Variants in GPR89A observed in about 807,000 individuals in gnomAD.
GPR89A encodes the protein golgi pH regulator A, also known as G protein-coupled receptor 89A.
Under a neutral mutation model 52.0 loss-of-function variants are expected in GPR89A, and 16 were observed. The ratio of observed to expected loss-of-function variants is 0.31; its 90% confidence interval spans 0.21 to 0.47. The LOEUF (loss-of-function observed/expected upper bound fraction) is 0.47. GPR89A is among the 20% of genes least tolerant of loss of function. The pLI, the probability that GPR89A is intolerant of heterozygous loss-of-function variation, is 1.00. For synonymous variants in GPR89A, 55 were observed against 150.9 expected, an observed-to-expected ratio of 0.36 and a Z score of 4.66; for missense variants, 135 against 449.4, an observed-to-expected ratio of 0.30 and a Z score of 6.33.
At chr1:145,647,873 CTCTCTCTATATATATA>C (rs1651149622) in intron 10 of GPR89A, among the ~76,000 whole-genome samples, 10 of 80,664 alleles carry the variant, frequency 1.2e-4, no homozygotes, top group Admixed American at 3.9e-4. Flanking sequence ...CTCTCTCTCT[CTCTCTCTATATATATA>C]TATATATATA....
intron 1 of GPR89A, among the ~76,000 whole-genome samples, chr1:145,613,783 TTTTG>T (rs1408032282): frequency 4.0e-4 from 61 of 150,804 alleles, no homozygotes; most frequent in Non-Finnish European, 6.6e-4. Flanking sequence ...CTGATTCGTT[TTTTG>T]TTTGTTTGTT....
chr1:145,620,788 T>C (rs1295396898), intron 3 of GPR89A, among the ~76,000 whole-genome samples: 2 of 152,114 alleles, frequency 1.3e-5, no homozygotes, highest in African/African-American at 2.4e-5. Flanking sequence ...CCTATTCAAA[T>C]ATGTAATCTT....
intron 1 of GPR89A, chr1:145,611,700 C>G (rs1648292943): frequency 6.8e-6 from 1 of 147,212 alleles, no homozygotes; most frequent in Non-Finnish European, 1.5e-5. Context: ...TTTTTTTAAT[C>G]ATCCATTTCC....
intron 3 of GPR89A, among the ~76,000 whole-genome samples, chr1:145,619,455 A>T (rs1391807777): frequency 3.3e-5 from 5 of 151,778 alleles, no homozygotes; most frequent in African/African-American, 1.2e-4. Flanking sequence ...ACAAAAAAAT[A>T]AAAAAAATTA....
chr1:145,639,607 CATG>C (rs1650491563), intron 7 of GPR89A, among the ~76,000 whole-genome samples: 1 of 151,416 alleles, frequency 6.6e-6, no homozygotes, highest in Admixed American at 6.6e-5. Context: ...ATTAGCTGGA[CATG>C]GTGGCATGCG....
intron 1 of GPR89A, 25 bp from the exon 2 acceptor site, chr1:145,616,209 A>G (rs782421492): frequency 1.9e-6 from 3 of 1,589,520 alleles, no homozygotes; most frequent in Admixed American, 3.4e-5. Flanking sequence ...ATATGTATTG[A>G]CATTCTATTT....
In GPR89A at chr1:145,608,125, C is replaced by T. The variant is rs782471077; in HGVS notation, c.-9C>T. 18 of 1,613,696 alleles carry T rather than the reference C, an allele frequency of 1.1e-5. No individual in the cohort carries two copies. The South Asian group carries it at 1.8e-4, about 16-fold the overall frequency. On this transcript the variant is annotated 5_prime_UTR_variant, in exon 1 of 14. Transcript: ENST00000313835. ...GAAGTGGAGGCAGGAGCCTTCCTTA[C>T]ACTTCGCCATGAGTTTCCTCATCGA...
intron 10 of GPR89A, among the ~76,000 whole-genome samples, chr1:145,655,051 C>A (rs1349698159): frequency 6.7e-6 from 1 of 149,214 alleles, no homozygotes; most frequent in Non-Finnish European, 1.5e-5. Context: ...AGATAGTCTT[C>A]AAGCTCTGAG....
intron 12 of GPR89A, among the ~76,000 whole-genome samples, chr1:145,667,903 A>G (rs1413860986): frequency 6.6e-6 from 1 of 152,074 alleles, no homozygotes; most frequent in Non-Finnish European, 1.5e-5. Context: ...ATTATTTCTG[A>G]GGGCTCTGTT....
intron 10 of GPR89A, among the ~76,000 whole-genome samples, chr1:145,653,551 G>T (rs2101821797): frequency 6.9e-6 from 1 of 143,996 alleles, no homozygotes; most frequent in African/African-American, 2.6e-5. Context: ...TCAATGATCT[G>T]TGTAACATTG....
chr1:145,660,159 C>G (rs1250117191), intron 10 of GPR89A, among the ~76,000 whole-genome samples: 1 of 152,126 alleles, frequency 6.6e-6, no homozygotes, highest in African/African-American at 2.4e-5. Flanking sequence ...ATATCTACAA[C>G]TATCTGATCT....
intron 10 of GPR89A, among the ~76,000 whole-genome samples, chr1:145,662,726 T>C (rs1327596726): frequency 6.6e-6 from 1 of 152,264 alleles, no homozygotes; most frequent in Non-Finnish European, 1.5e-5. Flanking sequence ...TCACCTATTA[T>C]GCAGACCATT....
At chr1:145,635,263 G>T (rs1202529269) in intron 7 of GPR89A, among the ~76,000 whole-genome samples, 3 of 152,146 alleles carry the variant, frequency 2.0e-5, no homozygotes, top group African/African-American at 4.8e-5. Context: ...AAAAGTAGCC[G>T]GGCGTGGTGG....
intron 10 of GPR89A, among the ~76,000 whole-genome samples, chr1:145,647,740 C>T (rs1234298874): frequency 7.0e-6 from 1 of 142,492 alleles, no homozygotes; most frequent in Non-Finnish European, 1.5e-5. Flanking sequence ...GAGAGGCGGA[C>T]GTTGCAGTGA....
rs587743271 is a variant in GPR89A at position 145,646,233 on chromosome 1, G to A, written c.777G>A (p.Arg259=). 11 of 1,612,612 alleles carry A rather than the reference G, an allele frequency of 6.8e-6. No individual in the cohort carries two copies. The East Asian group carries it at 1.6e-4, about 23-fold the overall frequency. Residue 259 remains arginine, a synonymous_variant, in exon 9 of 14, where the codon AGG becomes AGA. Transcript: ENST00000313835. The stretch of plus-strand genomic sequence containing the variant: ...TGGATGCTTTGGAAGAATTAAGCAG[G>A]CAGCTTTTTCTGGAAACAGCTGATC... ...QEVDALEELS[R]QLFLETADLY...
intron 7 of GPR89A, among the ~76,000 whole-genome samples, chr1:145,632,215 T>G (rs1313041307): frequency 5.3e-5 from 8 of 152,200 alleles, no homozygotes; most frequent in Non-Finnish European, 1.0e-4. Context: ...AATTAACATA[T>G]CTATCACCTC....
At chr1:145,652,363 A>C (rs1553693651) in intron 10 of GPR89A, among the ~76,000 whole-genome samples, 1 of 151,978 alleles carries the variant, frequency 6.6e-6, no homozygotes, top group Non-Finnish European at 1.5e-5. Context: ...ATCGTGGTAG[A>C]TGAGCTTTTT....
At chr1:145,668,440 GA>G (rs1229816717) in intron 12 of GPR89A, among the ~76,000 whole-genome samples, 11 of 152,198 alleles carry the variant, frequency 7.2e-5, no homozygotes, top group Non-Finnish European at 1.5e-5. Context: ...AGACTTTGCT[GA>G]AGTTGCTTAT....
intron 10 of GPR89A, among the ~76,000 whole-genome samples, chr1:145,650,887 A>AT (rs1651405875): frequency 6.6e-6 from 1 of 151,866 alleles, no homozygotes; most frequent in Non-Finnish European, 1.5e-5. Flanking sequence ...TAGATTCTGG[A>AT]TATTAGGCCT....
Sources: gnomAD v4.1 joint callset for allele counts (sites outside exome capture counted in the v4.1 genomes callset) on GRCh38, gnomAD v4.1.1 for gene constraint, MANE v1.5 for transcripts, NCBI Gene and HGNC (gene_info 2026-07-23, HGNC 2026-07-21) for gene names.